BCL2: variants seen among roughly 807,000 people sequenced by gnomAD.
The protein encoded by BCL2 is BCL2 apoptosis regulator.
Under a neutral mutation model 14.2 loss-of-function variants are expected in BCL2, and 1 was observed. That is an observed-to-expected ratio of 0.07 (90% confidence interval 0.02 to 0.33). BCL2 has a LOEUF of 0.33. Among genes scored for constraint, BCL2 ranks in the 10% least tolerant of loss-of-function variants. BCL2 has a pLI of 0.99. For missense variants in BCL2, 247 were observed against 305.9 expected, an observed-to-expected ratio of 0.81 and a Z score of 1.44; for synonymous variants, 151 against 137.2, an observed-to-expected ratio of 1.10 and a Z score of -0.70.
intron 2 of BCL2, among the ~76,000 whole-genome samples, chr18:63,243,331 A>G (rs958169894): frequency 6.6e-6 from 1 of 152,140 alleles, no homozygotes; most frequent in African/African-American, 2.4e-5. Flanking sequence ...ATGGACATAT[A>G]CAGGGGAACA....
At chr18:63,305,945 T>C (rs1191767032) in intron 2 of BCL2, among the ~76,000 whole-genome samples, 1 of 151,846 alleles carries the variant, frequency 6.6e-6, no homozygotes, top group African/African-American at 2.4e-5. Context: ...TGTGGTGGCA[T>C]GCACCTGTAG....
At chr18:63,306,110 C>T (rs546710312) in intron 2 of BCL2, among the ~76,000 whole-genome samples, 64 of 152,152 alleles carry the variant, frequency 4.2e-4, no homozygotes, top group African/African-American at 1.2e-3. Context: ...ACAAAAAACA[C>T]AAAAAAGCAT....
intron 2 of BCL2, among the ~76,000 whole-genome samples, chr18:63,237,714 T>A (rs1418563355): frequency 6.6e-6 from 1 of 152,144 alleles, no homozygotes; most frequent in Non-Finnish European, 1.5e-5. Context: ...ACACATAGTT[T>A]GGTGGTAGCA....
At chr18:63,248,873 C>T (rs1248710183) in intron 2 of BCL2, among the ~76,000 whole-genome samples, 1 of 152,190 alleles carries the variant, frequency 6.6e-6, no homozygotes, top group Non-Finnish European at 1.5e-5. Context: ...TGAGTCAATG[C>T]CCCTATATTG....
At chr18:63,265,148 G>A (rs544845924) in intron 2 of BCL2, among the ~76,000 whole-genome samples, 1 of 152,294 alleles carries the variant, frequency 6.6e-6, no homozygotes, top group South Asian at 2.1e-4. Context: ...GTGAGCACTC[G>A]AGTCCCATCA....
In BCL2 at chr18:63,197,722, G is replaced by A. The variant is rs113578681; in HGVS notation, c.586-68963C>T. Among the ~76,000 whole-genome samples the A allele has an allele frequency of 2.0e-5, 3 of 151,854 alleles. No individual in the cohort carries two copies. In the East Asian group the frequency reaches 5.8e-4, roughly 29 times the overall value. On this transcript the variant is annotated intron_variant, in intron 2 of 2. Coordinates refer to ENST00000333681, the MANE Select transcript of BCL2 (RefSeq NM_000633.3). ...GTGAGGGAGGAGGAAGCTTTCATAAGATGATGTAATATTCAATTTCCCATC... is the reference window on the plus strand; with the variant it reads ...GTGAGGGAGGAGGAAGCTTTCATAAAATGATGTAATATTCAATTTCCCATC...
At chr18:63,234,787 C>A (rs1910777956) in intron 2 of BCL2, among the ~76,000 whole-genome samples, 1 of 152,168 alleles carries the variant, frequency 6.6e-6, no homozygotes, top group Admixed American at 6.5e-5. Flanking sequence ...GATGTACTAT[C>A]CTCATCTAAA....
Position 63,126,977 on chromosome 18 carries a change from G to C in BCL2, c.*1648C>G, listed in dbSNP as rs1357041923. The C allele has an allele frequency of 4.4e-6, 1 of 225,158 alleles. No individual in the cohort carries two copies. Among genetic ancestry groups the C allele is most frequent in the Non-Finnish European group, 8.8e-6 (1 of 113,000 alleles). The allele number at this position is 225,158 out of a possible 1,614,324, so 13.9% of individuals were successfully genotyped here. On this transcript the variant is annotated 3_prime_UTR_variant, in exon 3 of 3. Coordinates refer to ENST00000333681, the MANE Select transcript of BCL2 (RefSeq NM_000633.3). ...AACTGGAAGAAAAAAAAATTTCCTAGTTTATTTGCTGAAGATGTCACTTCT... is the reference window on the plus strand; with the variant it reads ...AACTGGAAGAAAAAAAAATTTCCTACTTTATTTGCTGAAGATGTCACTTCT...
At chr18:63,293,341 G>A (rs1912707832) in intron 2 of BCL2, among the ~76,000 whole-genome samples, 1 of 152,208 alleles carries the variant, frequency 6.6e-6, no homozygotes, top group African/African-American at 2.4e-5. Flanking sequence ...GGGCTGTGAA[G>A]GGAGGGTGGA....
At chr18:63,262,277 C>A (rs1911683290) in intron 2 of BCL2, among the ~76,000 whole-genome samples, 1 of 152,156 alleles carries the variant, frequency 6.6e-6, no homozygotes, top group Admixed American at 6.5e-5. Flanking sequence ...AGTACAGAAT[C>A]CAGGAAAATC....
chr18:63,173,604 G>C (rs1333891228), intron 2 of BCL2, among the ~76,000 whole-genome samples: 1 of 152,038 alleles, frequency 6.6e-6, no homozygotes, highest in Non-Finnish European at 1.5e-5. Flanking sequence ...AAAACAAATC[G>C]AAAGAAAAAA....
chr18:63,201,222 C>A (rs1313014277), intron 2 of BCL2, among the ~76,000 whole-genome samples: 2 of 152,202 alleles, frequency 1.3e-5, no homozygotes, highest in East Asian at 1.9e-4. Flanking sequence ...ATATAACAAA[C>A]CATTGTGAGA....
At position 63,307,573 on chromosome 18, in the gene BCL2, A is replaced by T. The variant is rs564452617; in HGVS notation, c.585+10509T>A. Among the ~76,000 whole-genome samples the T allele has an allele frequency of 4.6e-5, 7 of 152,320 alleles. No individual in the cohort carries two copies. The South Asian group carries it at 1.4e-3, about 32-fold the overall frequency. Reference sequence around the variant, plus strand: ...TGGCTGTCATTTTTTTCCCTGAGCCACAAGCTGTTACAAAGCAGGAGAGCT... The same window carrying T: ...TGGCTGTCATTTTTTTCCCTGAGCCTCAAGCTGTTACAAAGCAGGAGAGCT... On this transcript the variant is annotated intron_variant, in intron 2 of 2. Transcript: ENST00000333681.
chr18:63,174,747 G>A (rs1915310931), intron 2 of BCL2, among the ~76,000 whole-genome samples: 1 of 150,788 alleles, frequency 6.6e-6, no homozygotes, highest in African/African-American at 2.4e-5. Context: ...TTGAACCCAG[G>A]AGGCGGAAGT....
chr18:63,262,898 G>A (rs1253702624), intron 2 of BCL2, among the ~76,000 whole-genome samples: 1 of 152,204 alleles, frequency 6.6e-6, no homozygotes, highest in Non-Finnish European at 1.5e-5. Context: ...TTAATACAAA[G>A]GAGAGATTGT....
chr18:63,259,351 G>A (rs1244531073), intron 2 of BCL2, among the ~76,000 whole-genome samples: 1 of 152,238 alleles, frequency 6.6e-6, no homozygotes, highest in Non-Finnish European at 1.5e-5. Context: ...GGCAAACGCA[G>A]TTTGCATGCA....
intron 2 of BCL2, among the ~76,000 whole-genome samples, chr18:63,226,533 A>G (rs1026216754): frequency 1.3e-5 from 2 of 152,234 alleles, no homozygotes; most frequent in Non-Finnish European, 2.9e-5. Flanking sequence ...TTACTTAGCT[A>G]TTTTTAAAAA....
chr18:63,261,940 C>T (rs1433702597), intron 2 of BCL2, among the ~76,000 whole-genome samples: 1 of 152,090 alleles, frequency 6.6e-6, no homozygotes, highest in Non-Finnish European at 1.5e-5. Context: ...CCACCATGCC[C>T]AGTTAATGTT....
At position 63,313,385 on chromosome 18, in the gene BCL2, A is replaced by G. The variant is rs140443758; in HGVS notation, c.585+4697T>C. Among the ~76,000 whole-genome samples the G allele has an allele frequency of 2.9e-4, 44 of 152,354 alleles. 1 individual carries two copies. The East Asian group carries it at 7.5e-3, about 26-fold the overall frequency. On this transcript the variant is annotated intron_variant, in intron 2 of 2. Coordinates refer to ENST00000333681, the MANE Select transcript of BCL2 (RefSeq NM_000633.3). ...CAAACCAAGAGGGATGAAAGAGAAA[A>G]TTCACAGTGGAGTAAATTCACTGAG...
Sources: allele counts gnomAD v4.1 joint callset (sites outside exome capture counted in the v4.1 genomes callset), GRCh38; gene constraint gnomAD v4.1.1; transcripts MANE v1.5; gene names NCBI Gene and HGNC (gene_info 2026-07-23, HGNC 2026-07-21).